IFI16: variants seen among roughly 807,000 people sequenced by gnomAD.
IFI16 encodes gamma-interferon-inducible protein 16.
Under a neutral mutation model 68.4 loss-of-function variants are expected in IFI16, and 49 were observed. The ratio of observed to expected loss-of-function variants is 0.72; its 90% CI spans 0.57 to 0.91. The LOEUF is 0.91. IFI16 is among the 40% of genes least tolerant of loss of function. IFI16 has a pLI of 0.00. For synonymous variants in IFI16, 307 were observed against 315.0 expected (o/e 0.97, Z 0.27); for missense variants, 878 against 942.9 (o/e 0.93, Z 0.90).
upstream of IFI16, among the ~76,000 whole-genome samples, chr1:159,007,484 A>G (rs1471677258): frequency 6.6e-6 from 1 of 152,208 alleles, no homozygotes; most frequent in East Asian, 1.9e-4. Flanking sequence ...GGAATAAGGT[A>G]GATCTGGTTT....
intron 6 of IFI16, among the ~76,000 whole-genome samples, chr1:159,025,943 T>C (rs752351911): frequency 6.6e-6 from 1 of 152,176 alleles, no homozygotes; most frequent in Non-Finnish European, 1.5e-5. Context: ...TTCCCCACTT[T>C]GTGTTTTTGT....
chr1:159,034,521 A>G (rs1335278970), intron 7 of IFI16, among the ~76,000 whole-genome samples: 1 of 152,166 alleles, frequency 6.6e-6, no homozygotes, highest in Non-Finnish European at 1.5e-5. Flanking sequence ...TCATGACCAC[A>G]TTCCAGGTTT....
Position 159,053,740 on chromosome 1 carries a change from G to A in IFI16, c.2277+16G>A. ...TCACATCAAGGTTGGAACTTTATAG[G>A]AACATCATTTTTCCAAGTGGCGAAT... On this transcript the variant is annotated intron_variant, in intron 11 of 11. Coordinates refer to ENST00000295809, the MANE Select transcript of IFI16 (RefSeq NM_001376587.1). 1 of 1,593,044 alleles carries A rather than the reference G, an allele frequency of 6.3e-7. No homozygotes were observed. The highest frequency in any genetic ancestry group is 1.7e-4 in the Middle Eastern group (1 of 5,982).
At chr1:159,004,739 T>C (rs780694779), upstream of IFI16, among the ~76,000 whole-genome samples, 6 of 152,190 alleles carry the variant, frequency 3.9e-5, no homozygotes, top group Non-Finnish European at 7.3e-5. Flanking sequence ...GAGAGTTCAT[T>C]ACTGACAACA....
At chr1:159,050,160 T>C (rs1655258678) in intron 9 of IFI16, among the ~76,000 whole-genome samples, 1 of 152,352 alleles carries the variant, frequency 6.6e-6, no homozygotes, top group East Asian at 1.9e-4. Context: ...CCATGTTTTT[T>C]ATTAATATAT....
intron 5 of IFI16, 98 bp downstream of exon 5, chr1:159,018,749 AG>A: frequency 1.2e-6 from 1 of 847,304 alleles, no homozygotes; most frequent in Non-Finnish European, 1.9e-6. Context: ...ACTGGATATT[AG>A]AATCCAGGAC....
intron 8 of IFI16, among the ~76,000 whole-genome samples, chr1:159,047,726 G>A (rs956822271): frequency 6.8e-6 from 1 of 146,580 alleles, no homozygotes; most frequent in Admixed American, 6.9e-5. Context: ...AACGTAAGCC[G>A]GGAATCCTTG....
intron 11 of IFI16, among the ~76,000 whole-genome samples, chr1:159,053,946 T>C (rs957201623): frequency 7.9e-5 from 12 of 152,252 alleles, no homozygotes; most frequent in African/African-American, 2.9e-4. Flanking sequence ...GATACCTAAG[T>C]TAAATAAGAA....
intron 8 of IFI16, among the ~76,000 whole-genome samples, chr1:159,047,872 A>G (rs1161853302): frequency 6.6e-6 from 1 of 151,028 alleles, no homozygotes; most frequent in African/African-American, 2.4e-5. Context: ...ACACAAGGGC[A>G]TAATTCATGA....
chr1:159,035,818 G>A (rs1654291794), intron 7 of IFI16, among the ~76,000 whole-genome samples: 1 of 151,896 alleles, frequency 6.6e-6, no homozygotes, highest in Non-Finnish European at 1.5e-5. Context: ...ATCAGGAGCA[G>A]GGATGGGAGG....
rs1652815947 is a variant in IFI16 at position 159,014,746 on chromosome 1, T to C, written c.66T>C (p.Phe22=). The C allele has an allele frequency of 6.2e-7, 1 of 1,610,056 alleles. No homozygotes were observed. ...TAGAGGTCATCAATGATTATCATTT[T>C]AGAATGGTTAAGTCCTTACTGAGCA... ...KGLEVINDYH[F]RMVKSLLSND... is the part of the protein sequence containing the mutation. The change falls in exon 2 of 12, where the codon TTT becomes TTC. Residue 22 remains phenylalanine, a synonymous_variant. Transcript: ENST00000295809.
At chr1:159,048,720 G>A (rs961322466) in intron 8 of IFI16, among the ~76,000 whole-genome samples, 3 of 151,358 alleles carry the variant, frequency 2.0e-5, no homozygotes, top group Non-Finnish European at 3.0e-5. Flanking sequence ...GGCCAAATAG[G>A]GTGAATATTT....
intron 7 of IFI16, among the ~76,000 whole-genome samples, chr1:159,034,471 A>G (rs1654197324): frequency 6.6e-6 from 1 of 152,216 alleles, no homozygotes; most frequent in African/African-American, 2.4e-5. Flanking sequence ...GAATATGTTC[A>G]TTATCTTTAT....
chr1:159,024,081 C>A (rs1451550674), intron 6 of IFI16, among the ~76,000 whole-genome samples: 1 of 152,172 alleles, frequency 6.6e-6, no homozygotes, highest in African/African-American at 2.4e-5. Flanking sequence ...GGCTACCATG[C>A]GTACAAGCGT....
At position 159,048,967 on chromosome 1, in the gene IFI16, G is replaced by A. The variant is rs1307964061; in HGVS notation, c.1498-465G>A. 3.3e-5 allele frequency among the ~76,000 whole-genome samples: 5 copies of A among 151,352 alleles called. No individual in the cohort carries two copies. In the Admixed American group the frequency reaches 3.3e-4, roughly 10 times the overall value. On this transcript the variant is annotated intron_variant, in intron 8 of 11. Transcript: ENST00000295809. The stretch of plus-strand genomic sequence containing the variant: ...AATTTGAGAGAATCTTCCTGTTATG[G>A]CTACGATCAGAGATCCCTAAAGGAT...
intron 6 of IFI16, among the ~76,000 whole-genome samples, chr1:159,025,860 T>A (rs1653636267): frequency 1.3e-5 from 2 of 152,196 alleles, no homozygotes; most frequent in Non-Finnish European, 2.9e-5. Flanking sequence ...AGGTGAGAGA[T>A]GAGGATCCAG....
At chr1:159,007,330 T>A (rs1183959847), upstream of IFI16, among the ~76,000 whole-genome samples, 1 of 152,150 alleles carries the variant, frequency 6.6e-6, no homozygotes, top group Non-Finnish European at 1.5e-5. Context: ...TATTGTTAAG[T>A]GGAGAATCTG....
intron 6 of IFI16, among the ~76,000 whole-genome samples, chr1:159,030,170 T>A (rs1181526253): frequency 2.0e-5 from 3 of 151,810 alleles, no homozygotes; most frequent in African/African-American, 4.9e-5. Context: ...TTATGCTCTC[T>A]ATTTTTTTGG....
At chr1:159,029,205 C>T (rs1653847177) in intron 6 of IFI16, among the ~76,000 whole-genome samples, 1 of 152,140 alleles carries the variant, frequency 6.6e-6, no homozygotes, top group Non-Finnish European at 1.5e-5. Flanking sequence ...GGCTAACTCT[C>T]TCAGCATTTG....
Sources: gnomAD v4.1 joint callset for allele counts (sites outside exome capture counted in the v4.1 genomes callset) on GRCh38, gnomAD v4.1.1 for gene constraint, MANE v1.5 for transcripts, NCBI Gene and HGNC (gene_info 2026-07-23, HGNC 2026-07-21) for gene names.